Variants in POFUT3 observed in about 807,000 individuals in gnomAD.
POFUT3 encodes GDP-fucose protein O-fucosyltransferase 3.
At chr8:33,441,728 G>T in the POFUT3 span, among the ~76,000 whole-genome samples, 1 of 152,092 alleles carries the variant, frequency 6.6e-6, no homozygotes, top group Non-Finnish European at 1.5e-5. Context: ...AAGCTACATG[G>T]TTTTATTCTG....
chr8:33,420,404 G>A, the POFUT3 span, among the ~76,000 whole-genome samples: 2 of 152,138 alleles, frequency 1.3e-5, no homozygotes, highest in Non-Finnish European at 2.9e-5. Context: ...TAATTGAGAG[G>A]AGGAAGAGAC....
chr8:33,432,824 T>G, the POFUT3 span, among the ~76,000 whole-genome samples: 1 of 152,206 alleles, frequency 6.6e-6, no homozygotes, highest in Non-Finnish European at 1.5e-5. Context: ...TTTTTTATTA[T>G]AAAGGAATTT....
chr8:33,456,542 T>A, the POFUT3 span, among the ~76,000 whole-genome samples: 1 of 151,618 alleles, frequency 6.6e-6, no homozygotes, highest in Admixed American at 6.6e-5. Context: ...GTATTTTTAG[T>A]AGAGACAGGG....
At chr8:33,453,744 G>A in the POFUT3 span, among the ~76,000 whole-genome samples, 1 of 152,090 alleles carries the variant, frequency 6.6e-6, no homozygotes, top group South Asian at 2.1e-4. Flanking sequence ...CCAGGAGATT[G>A]AGACCAGCCT....
At chr8:33,453,239 A>C in the POFUT3 span, 7 of 1,614,222 alleles carry the variant, frequency 4.3e-6, no homozygotes, top group Non-Finnish European at 5.9e-6. Context: ...TGCTTTGGTC[A>C]TGTGATGATG....
chr8:33,418,522 C>T, the POFUT3 span, among the ~76,000 whole-genome samples: 1,061 of 150,734 alleles, frequency 7.0e-3, 4 homozygotes, highest in Middle Eastern at 0.014. Flanking sequence ...GGGCTGGTCT[C>T]GAACTCCTGG....
chr8:33,316,849 A>G, the POFUT3 span, among the ~76,000 whole-genome samples: 1 of 151,976 alleles, frequency 6.6e-6, no homozygotes, highest in Non-Finnish European at 1.5e-5. Flanking sequence ...CTCTTCCCAT[A>G]TTTCTCACCA....
At chr8:33,403,054 G>A in the POFUT3 span, among the ~76,000 whole-genome samples, 2 of 150,918 alleles carry the variant, frequency 1.3e-5, no homozygotes, top group African/African-American at 2.4e-5. Context: ...AAGTGAAACC[G>A]TGTCTCAAAA....
the POFUT3 span, among the ~76,000 whole-genome samples, chr8:33,349,566 G>A: frequency 6.6e-6 from 1 of 152,074 alleles, no homozygotes; most frequent in Non-Finnish European, 1.5e-5. Flanking sequence ...ACTTCACTTA[G>A]GATAATGGTC....
chr8:33,380,234 A>G, the POFUT3 span, among the ~76,000 whole-genome samples: 1 of 100,808 alleles, frequency 9.9e-6, no homozygotes, highest in African/African-American at 4.0e-5. Context: ...TATATACTAT[A>G]TATATATATA....
At chr8:33,372,640 C>A in the POFUT3 span, 1 of 1,614,016 alleles carries the variant, frequency 6.2e-7, no homozygotes, top group Non-Finnish European at 8.5e-7. Flanking sequence ...TATCAACCAG[C>A]CACCTTAGTG....
the POFUT3 span, among the ~76,000 whole-genome samples, chr8:33,439,533 T>C: frequency 5.3e-5 from 8 of 152,074 alleles, no homozygotes; most frequent in Non-Finnish European, 8.8e-5. Context: ...ATATCACCCC[T>C]GCTTAAAACC....
At chr8:33,317,894 T>C in the POFUT3 span, among the ~76,000 whole-genome samples, 3 of 152,166 alleles carry the variant, frequency 2.0e-5, no homozygotes, top group Admixed American at 6.6e-5. Context: ...TACTTCTCCA[T>C]CCTTCATCCT....
the POFUT3 span, among the ~76,000 whole-genome samples, chr8:33,438,737 A>G: frequency 1.3e-5 from 2 of 152,194 alleles, no homozygotes; most frequent in Admixed American, 6.6e-5. Flanking sequence ...GGCATGTCTT[A>G]TATGGTGGCA....
chr8:33,422,554 A>AAAC, the POFUT3 span, among the ~76,000 whole-genome samples: 1 of 140,084 alleles, frequency 7.1e-6, no homozygotes, highest in Non-Finnish European at 1.5e-5. Context: ...TCAAAAAAAA[A>AAAC]AAAAAAAAAA....
At chr8:33,416,662 G>A in the POFUT3 span, among the ~76,000 whole-genome samples, 177 of 151,798 alleles carry the variant, frequency 1.2e-3, 1 homozygote, top group African/African-American at 4.0e-3. Flanking sequence ...CCTGGCCAAC[G>A]TGGTGAAACC....
At chr8:33,401,783 T>G in the POFUT3 span, among the ~76,000 whole-genome samples, 1 of 152,082 alleles carries the variant, frequency 6.6e-6, no homozygotes, top group African/African-American at 2.4e-5. Flanking sequence ...ATCCACACAC[T>G]TTGGGAGGCT....
At chr8:33,402,645 T>C in the POFUT3 span, among the ~76,000 whole-genome samples, 7 of 152,232 alleles carry the variant, frequency 4.6e-5, no homozygotes, top group Non-Finnish European at 7.3e-5. Flanking sequence ...TTGTATTTTA[T>C]ATGCCCAGGT....
chr8:33,389,536 C>G, the POFUT3 span: 1 of 1,614,100 alleles, frequency 6.2e-7, no homozygotes, highest in Non-Finnish European at 8.5e-7. Context: ...CATACACCAG[C>G]GGAGCAAGTC....
Sources: allele counts gnomAD v4.1 joint callset (sites outside exome capture counted in the v4.1 genomes callset), GRCh38; gene constraint gnomAD v4.1.1; transcripts MANE v1.5; gene names NCBI Gene and HGNC (gene_info 2026-07-23, HGNC 2026-07-21).